Variants in RAB3GAP1 observed in about 807,000 individuals in gnomAD.
RAB3GAP1 encodes rab3 GTPase-activating protein catalytic subunit.
RAB3GAP1 carries 86 observed loss-of-function variants against 130.7 expected under a neutral mutation model. The ratio of observed to expected loss-of-function variants is 0.66; its 90% confidence interval spans 0.55 to 0.79. The LOEUF is 0.79. Among genes scored for constraint, RAB3GAP1 ranks in the 30% least tolerant of loss-of-function variants. The probability of loss-of-function intolerance (pLI) is 0.00; values close to 1 mark genes in which losing one functional copy is unlikely to be tolerated. For missense variants in RAB3GAP1, 1,029 were observed against 1,169.4 expected, an observed-to-expected ratio of 0.88 and a Z score of 1.75; for synonymous variants, 367 against 401.7, an observed-to-expected ratio of 0.91 and a Z score of 1.03.
At chr2:135,122,242 A>C (rs1041343782) in intron 8 of RAB3GAP1, among the ~76,000 whole-genome samples, 2 of 152,224 alleles carry the variant, frequency 1.3e-5, no homozygotes, top group African/African-American at 4.8e-5. Context: ...GAGAAATAAA[A>C]GCTAAGCTTT....
At chr2:135,172,397 T>C (rs1428193408), downstream of RAB3GAP1, among the ~76,000 whole-genome samples, 4 of 150,526 alleles carry the variant, frequency 2.7e-5, no homozygotes, top group Non-Finnish European at 1.5e-5. Context: ...ATCATGCCAT[T>C]GCACTCCAGC....
rs983072135 is a variant in RAB3GAP1, at chr2:135,169,761, C to A, written c.*980C>A. On this transcript the variant is annotated 3_prime_UTR_variant, in exon 24 of 24. Coordinates refer to ENST00000264158, the MANE Select transcript of RAB3GAP1 (RefSeq NM_012233.3). ...AAAATAATCGATGGGGATGTGTAGCCCCCCCGTGTGAGGATGACATCACCA... is the reference window on the plus strand; with the variant it reads ...AAAATAATCGATGGGGATGTGTAGCACCCCCGTGTGAGGATGACATCACCA... The A allele has an allele frequency of 8.8e-6, 4 of 455,428 alleles. No individual in the cohort carries two copies. The highest frequency in any genetic ancestry group is 6.0e-5 in the African/African-American group (3 of 49,928). 28.2% of individuals were successfully genotyped at this position (455,428 alleles called of 1,614,324 possible). A position where few individuals can be genotyped will look rare whatever the true frequency, so the allele number is the denominator to read the frequency against.
Position 135,170,088 on chromosome 2 carries a change from A to T in RAB3GAP1, c.*1307A>T, listed in dbSNP as rs570807267. On this transcript the variant is annotated 3_prime_UTR_variant, in exon 24 of 24. Coordinates refer to ENST00000264158, the MANE Select transcript of RAB3GAP1 (RefSeq NM_012233.3). ...CCTGGGGGATGACCTCCCAGCCTTTATGATGCTTTTCTCTATGCTGCTGGA... is the reference window on the plus strand; with the variant it reads ...CCTGGGGGATGACCTCCCAGCCTTTTTGATGCTTTTCTCTATGCTGCTGGA... The T allele has an allele frequency of 5.5e-6, 1 of 181,528 alleles. No homozygotes were observed. Among genetic ancestry groups the T allele is most frequent in the South Asian group, 1.1e-4 (1 of 8,982 alleles). 11.2% of individuals were successfully genotyped at this position (181,528 alleles called of 1,614,324 possible). A position where few individuals can be genotyped will look rare whatever the true frequency, so the allele number is the denominator to read the frequency against.
intron 17 of RAB3GAP1, among the ~76,000 whole-genome samples, chr2:135,146,216 T>TC (rs1335458055): frequency 0.014 from 2,097 of 147,074 alleles, 23 homozygotes; most frequent in African/African-American, 0.049. Flanking sequence ...TTTTTTTTTT[T>TC]TTTTTTGAGA....
intron 8 of RAB3GAP1, 40 bp from the exon 9 acceptor site, chr2:135,124,125 A>C: frequency 3.2e-6 from 5 of 1,569,234 alleles, no homozygotes; most frequent in Non-Finnish European, 3.5e-6. Context: ...ACTCTTCTTT[A>C]TTTTTTCCCA....
At chr2:135,089,391 T>G (rs1168181941) in intron 3 of RAB3GAP1, among the ~76,000 whole-genome samples, 2 of 151,088 alleles carry the variant, frequency 1.3e-5, no homozygotes, top group African/African-American at 4.9e-5. Flanking sequence ...TTTGGTTCCA[T>G]ATGAAATTTA....
At chr2:135,153,932 AG>A (rs1692242818) in intron 19 of RAB3GAP1, 56 bp downstream of exon 19, 1 of 1,512,720 alleles carries the variant, frequency 6.6e-7, no homozygotes, top group Non-Finnish European at 9.2e-7. Context: ...CTTATGATTT[AG>A]GAACTCACTG....
intron 17 of RAB3GAP1, among the ~76,000 whole-genome samples, chr2:135,143,535 C>A (rs1691905447): frequency 6.6e-6 from 1 of 151,296 alleles, no homozygotes; most frequent in African/African-American, 2.4e-5. Flanking sequence ...TGATATTCAA[C>A]CTTTCTTCTG....
Position 135,170,049 on chromosome 2 carries a change from G to T in RAB3GAP1, c.*1268G>T. The T allele has an allele frequency of 5.1e-6, 1 of 197,834 alleles. No individual in the cohort carries two copies. Among genetic ancestry groups the T allele is most frequent in the Non-Finnish European group, 1.0e-5 (1 of 96,858 alleles). 12.3% of individuals were successfully genotyped at this position (197,834 alleles called of 1,614,324 possible). A position where few individuals can be genotyped will look rare whatever the true frequency, so the allele number is the denominator to read the frequency against. On this transcript the variant is annotated 3_prime_UTR_variant, in exon 24 of 24. Transcript: ENST00000264158. ...CATATGCACACGTCTCTGTGTATGTGAAGTAGGGGAGGCCCTGGGGGATGA... is the reference window on the plus strand; with the variant it reads ...CATATGCACACGTCTCTGTGTATGTTAAGTAGGGGAGGCCCTGGGGGATGA...
intron 8 of RAB3GAP1, among the ~76,000 whole-genome samples, chr2:135,122,954 C>T (rs981496483): frequency 3.3e-5 from 5 of 152,116 alleles, no homozygotes; most frequent in African/African-American, 9.7e-5. Context: ...GTCTCGAACT[C>T]CTGACCTCAG....
At chr2:135,081,898 T>C (rs938984790) in intron 3 of RAB3GAP1, among the ~76,000 whole-genome samples, 3 of 152,082 alleles carry the variant, frequency 2.0e-5, no homozygotes, top group Non-Finnish European at 4.4e-5. Context: ...CCCAGTATTT[T>C]GAGAGGCCGA....
At chr2:135,062,586 C>G (rs1433331125) in intron 3 of RAB3GAP1, among the ~76,000 whole-genome samples, 1 of 152,156 alleles carries the variant, frequency 6.6e-6, no homozygotes, top group Non-Finnish European at 1.5e-5. Flanking sequence ...TATGCTGAGA[C>G]TGTAATTGGG....
At chr2:135,104,592 C>A (rs563120497) in intron 5 of RAB3GAP1, among the ~76,000 whole-genome samples, 6 of 152,156 alleles carry the variant, frequency 3.9e-5, no homozygotes, top group African/African-American at 1.2e-4. Context: ...GTGGCTCATG[C>A]CTGTAATGCC....
In RAB3GAP1 at chr2:135,120,825, C is replaced by T. The variant is rs763761061; in HGVS notation, c.655C>T (p.Pro219Ser). 3.1e-6 allele frequency: 5 copies of T among 1,598,052 alleles called. No homozygotes were observed. Among genetic ancestry groups the T allele is most frequent in the Non-Finnish European group, 3.4e-6 (4 of 1,165,594 alleles). Residue 219 changes from proline (P) to serine (S), a missense_variant, in exon 8 of 24, where the codon CCT (proline) becomes TCT (serine). Pro to Ser is a moderately conservative substitution (Grantham distance 74, BLOSUM62 -1). Coordinates refer to ENST00000264158, the MANE Select transcript of RAB3GAP1 (RefSeq NM_012233.3). ...LDIFKSKIGC[P>S]LTPLPPVSIA... ...CTTTGCATGTATTTCCTAGGGATGTCCTTTAACTCCATTGCCTCCAGTTAG... is the reference window on the plus strand; with the variant it reads ...CTTTGCATGTATTTCCTAGGGATGTTCTTTAACTCCATTGCCTCCAGTTAG...
At chr2:135,160,367 G>A (rs1296776937) in intron 19 of RAB3GAP1, among the ~76,000 whole-genome samples, 1 of 152,086 alleles carries the variant, frequency 6.6e-6, no homozygotes, top group Non-Finnish European at 1.5e-5. Context: ...TTGAGGGAAA[G>A]GGTCATAAAA....
In RAB3GAP1 at chr2:135,130,046, A is replaced by G. The variant is rs920947458; in HGVS notation, c.1025A>G (p.Asp342Gly). ...ATTTGCCGTCGAAAGGAGTCAACTG[A>G]TGAGATTCTTGGACGATCTGCATTT... ...FKICRRKEST[D>G]EILGRSAFEE... Residue 342 changes from aspartate to glycine, a missense_variant, in exon 12 of 24, where the codon GAT becomes GGT. By Grantham distance (94) the Asp-to-Gly change is moderately conservative. Transcript: ENST00000264158. The G allele has an allele frequency of 2.1e-5, 34 of 1,613,258 alleles. No homozygotes were observed. The highest frequency in any genetic ancestry group is 4.0e-5 in the African/African-American group (3 of 74,844).
intron 17 of RAB3GAP1, among the ~76,000 whole-genome samples, chr2:135,143,659 G>A (rs1691911655): frequency 1.3e-5 from 2 of 149,868 alleles, no homozygotes; most frequent in South Asian, 2.1e-4. Flanking sequence ...CCAGGTTCAT[G>A]CCATTGTCCT....
At chr2:135,134,089 T>G in intron 15 of RAB3GAP1, 56 bp downstream of exon 15, 8 of 1,596,784 alleles carry the variant, frequency 5.0e-6, no homozygotes, top group Non-Finnish European at 6.9e-6. Flanking sequence ...AGCAGACATT[T>G]GACTTTTGAC....
chr2:135,129,001 A>G (rs947778915), intron 11 of RAB3GAP1, among the ~76,000 whole-genome samples: 1 of 152,112 alleles, frequency 6.6e-6, no homozygotes, highest in Admixed American at 6.5e-5. Context: ...AAATACAAAA[A>G]TTAGCTGGGC....
Sources: gnomAD v4.1 joint callset for allele counts (sites outside exome capture counted in the v4.1 genomes callset) on GRCh38, gnomAD v4.1.1 for gene constraint, MANE v1.5 for transcripts, NCBI Gene and HGNC (gene_info 2026-07-23, HGNC 2026-07-21) for gene names.